The following NRF1 variants were observed in gnomAD, a reference collection of about 807,000 sequenced individuals.
NRF1 encodes nuclear respiratory factor 1.
Under a neutral mutation model 58.5 loss-of-function variants are expected in NRF1, and 5 were observed. The observed-to-expected ratio is 0.09, with a 90% CI of 0.04 to 0.18. The LOEUF (loss-of-function observed/expected upper bound fraction) is 0.18. Among genes scored for constraint, NRF1 ranks in the 10% least tolerant of loss-of-function variants. The probability of loss-of-function intolerance (pLI) is 1.00; values close to 1 mark genes in which losing one functional copy is unlikely to be tolerated. For missense variants in NRF1, 288 were observed against 657.7 expected (o/e 0.44, Z 6.15); for synonymous variants, 224 against 246.7 (o/e 0.91, Z 0.86).
intron 5 of NRF1, among the ~76,000 whole-genome samples, chr7:129,701,159 A>G (rs917891986): frequency 3.3e-5 from 5 of 152,216 alleles, no homozygotes; most frequent in African/African-American, 1.2e-4. Context: ...TAAGAAAAAG[A>G]TAATTAGAAA....
intron 1 of NRF1, among the ~76,000 whole-genome samples, chr7:129,651,677 A>G (rs1801539047): frequency 6.6e-6 from 1 of 152,206 alleles, no homozygotes; most frequent in Admixed American, 6.5e-5. Flanking sequence ...GAATTCTAAA[A>G]TGCCCTAAGC....
intron 5 of NRF1, among the ~76,000 whole-genome samples, 163 bp downstream of exon 5, chr7:129,690,709 A>G (rs1312654466): frequency 6.6e-6 from 1 of 152,184 alleles, no homozygotes; most frequent in African/African-American, 2.4e-5. Flanking sequence ...AAGACATTAT[A>G]GTGCCAGAAA....
chr7:129,712,338 G>A (rs1190911063), intron 8 of NRF1, among the ~76,000 whole-genome samples: 1 of 152,240 alleles, frequency 6.6e-6, no homozygotes. Context: ...AGATACTGAT[G>A]TGGTGTGCTG....
intron 9 of NRF1, among the ~76,000 whole-genome samples, chr7:129,719,304 G>T (rs1027606694): frequency 5.3e-5 from 8 of 152,060 alleles, no homozygotes; most frequent in Non-Finnish European, 8.8e-5. Flanking sequence ...GGCTAAGTTT[G>T]TATTTTTAGT....
rs1804229172 is a variant in NRF1 at position 129,755,445 on chromosome 7, AATGTGTGTGTATACTT to A, written c.*277_*292del. Reference sequence around the variant, plus strand: ...TTGTGGCAGGACTTCTTTCTGCGGAAATGTGTGTGTATACTTATGTGTGTGTATGTGTGAGTGTGAA... The same window carrying A: ...TTGTGGCAGGACTTCTTTCTGCGGAAATGTGTGTGTATGTGTGAGTGTGAA... On this transcript the variant is annotated 3_prime_UTR_variant, in exon 11 of 11. Coordinates refer to ENST00000393232, the MANE Select transcript of NRF1 (RefSeq NM_005011.5). This position sits in a 1 kb window ranked among gnomAD's most constrained non-coding sequence, Gnocchi z 5.8. The A allele has an allele frequency of 2.6e-6, 1 of 380,634 alleles. No individual in the cohort carries two copies. The highest frequency in any genetic ancestry group is 4.8e-6 in the Non-Finnish European group (1 of 208,060). 23.6% of individuals were successfully genotyped at this position (380,634 alleles called of 1,614,324 possible).
At chr7:129,699,999 G>A (rs1584653543) in intron 5 of NRF1, among the ~76,000 whole-genome samples, 1 of 151,664 alleles carries the variant, frequency 6.6e-6, no homozygotes, top group African/African-American at 2.4e-5. Context: ...AATTTAGCCG[G>A]GCATGGTGGC....
At chr7:129,629,516 C>A (rs1424651024) in intron 1 of NRF1, among the ~76,000 whole-genome samples, 1 of 151,866 alleles carries the variant, frequency 6.6e-6, no homozygotes, top group African/African-American at 2.4e-5. Context: ...CTCAGGTGAT[C>A]TGTCAGCCTC....
chr7:129,630,429 T>C (rs1407758250), intron 1 of NRF1, among the ~76,000 whole-genome samples: 12 of 152,196 alleles, frequency 7.9e-5, no homozygotes, highest in African/African-American at 2.7e-4. Flanking sequence ...TCAACTAGGA[T>C]GGATCTGATC....
intron 1 of NRF1, among the ~76,000 whole-genome samples, chr7:129,647,869 A>G (rs981981333): frequency 6.6e-6 from 1 of 152,244 alleles, no homozygotes; most frequent in Admixed American, 6.5e-5. Flanking sequence ...TCCTCAAGGC[A>G]AGGCCACTTC....
intron 1 of NRF1, among the ~76,000 whole-genome samples, chr7:129,637,767 G>A (rs973241039): frequency 1.6e-4 from 25 of 151,878 alleles, no homozygotes; most frequent in South Asian, 4.2e-4. Context: ...TATCCAACCC[G>A]CAGCCCACAA....
chr7:129,693,003 A>C (rs1802606552), intron 5 of NRF1, among the ~76,000 whole-genome samples: 1 of 152,188 alleles, frequency 6.6e-6, no homozygotes, highest in Admixed American at 6.5e-5. Flanking sequence ...ACTACCTGGA[A>C]TTGTCTCATT....
intron 1 of NRF1, among the ~76,000 whole-genome samples, chr7:129,640,202 C>T (rs1801258382): frequency 6.6e-6 from 1 of 152,114 alleles, no homozygotes; most frequent in Non-Finnish European, 1.5e-5. Context: ...AAAATCAATT[C>T]AACACACATA....
intron 4 of NRF1, among the ~76,000 whole-genome samples, chr7:129,681,463 A>G (rs7807898): frequency 0.64 from 96,883 of 152,196 alleles, 31,601 homozygotes; most frequent in South Asian, 0.76. Context: ...AAATGCCTAC[A>G]AAAATAAATC....
intron 10 of NRF1, among the ~76,000 whole-genome samples, chr7:129,735,869 G>A (rs1028753564): frequency 2.0e-5 from 3 of 151,522 alleles, no homozygotes; most frequent in East Asian, 2.0e-4. Flanking sequence ...TTAGCCATGC[G>A]TGGTGGCAGG....
At chr7:129,620,401 T>G (rs1800765915) in intron 1 of NRF1, among the ~76,000 whole-genome samples, 1 of 151,612 alleles carries the variant, frequency 6.6e-6, no homozygotes, top group Non-Finnish European at 1.5e-5. Flanking sequence ...TTTTTTTTTT[T>G]TTTTTGAGAT....
chr7:129,643,812 G>A lies in NRF1; in HGVS notation c.-6-13534G>A, dbSNP rs111550695. On this transcript the variant is annotated intron_variant, in intron 1 of 10. Coordinates refer to ENST00000393232, the MANE Select transcript of NRF1 (RefSeq NM_005011.5). Reference sequence around the variant, plus strand: ...TGGATAGACTGCTTTCATTTTGACAGGTGGGTCAGCATTAGCTTTATTTTT... The same window carrying A: ...TGGATAGACTGCTTTCATTTTGACAAGTGGGTCAGCATTAGCTTTATTTTT... Among the ~76,000 whole-genome samples, 634 of 152,322 alleles carry A rather than the reference G, an allele frequency of 4.2e-3. 3 individuals are homozygous for A. Among genetic ancestry groups the A allele is most frequent in the African/African-American group, 0.014 (601 of 41,566 alleles).
chr7:129,655,971 T>G (rs1346164222), intron 1 of NRF1, among the ~76,000 whole-genome samples: 1 of 152,196 alleles, frequency 6.6e-6, no homozygotes, highest in Non-Finnish European at 1.5e-5. Flanking sequence ...ATAAGTGGTA[T>G]GTGTATACCA....
chr7:129,671,554 C>T lies in NRF1; in HGVS notation c.338+11C>T. On this transcript the variant is annotated intron_variant, in intron 3 of 10. Coordinates refer to ENST00000393232, the MANE Select transcript of NRF1 (RefSeq NM_005011.5). ...AACACGTTTGCTTCGGTGAGGGCTCCCTTATCCATATTGTTACTATTCCTC... is the reference window on the plus strand; with the variant it reads ...AACACGTTTGCTTCGGTGAGGGCTCTCTTATCCATATTGTTACTATTCCTC... The T allele has an allele frequency of 7.3e-7, 1 of 1,375,350 alleles. No homozygotes were observed. The highest frequency in any genetic ancestry group is 1.2e-5 in the South Asian group (1 of 86,176). The allele number at this position is 1,375,350 out of a possible 1,614,324, so 85.2% of individuals were successfully genotyped here. A position where few individuals can be genotyped will look rare whatever the true frequency, so the allele number is the denominator to read the frequency against.
intron 9 of NRF1, among the ~76,000 whole-genome samples, chr7:129,724,506 A>T (rs553209747): frequency 6.6e-6 from 1 of 152,340 alleles, no homozygotes; most frequent in South Asian, 2.1e-4. Context: ...GGACTACCGT[A>T]TGTTGCAGCA....
Sources: allele counts gnomAD v4.1 joint callset (sites outside exome capture counted in the v4.1 genomes callset), GRCh38; gene constraint gnomAD v4.1.1; non-coding constraint Gnocchi (gnomAD v3.1); transcripts MANE v1.5; gene names NCBI Gene and HGNC (gene_info 2026-07-23, HGNC 2026-07-21).